Variants in PARP9 observed in about 807,000 individuals in gnomAD.
The protein encoded by PARP9 is protein mono-ADP-ribosyltransferase PARP9.
PARP9 carries 48 observed loss-of-function variants against 68.8 expected under a neutral mutation model. The observed-to-expected ratio is 0.70, with a 90% confidence interval of 0.55 to 0.89. The LOEUF is 0.89. PARP9 is among the 40% of genes least tolerant of loss of function. The probability of loss-of-function intolerance (pLI) is 0.00; values close to 1 mark genes in which losing one functional copy is unlikely to be tolerated. For synonymous variants in PARP9, 309 were observed against 333.8 expected, an observed-to-expected ratio of 0.93 and a Z score of 0.81; for missense variants, 806 against 969.3, an observed-to-expected ratio of 0.83 and a Z score of 2.24.
intron 9 of PARP9, 123 bp from the exon 10 acceptor site, chr3:122,536,465 T>G: frequency 4.8e-6 from 7 of 1,447,222 alleles, no homozygotes; most frequent in Non-Finnish European, 6.3e-6. Flanking sequence ...GCAATTCGCT[T>G]TTCATAGAAA....
At position 122,555,360 on chromosome 3, in the gene PARP9, T is replaced by C; in HGVS notation, c.811A>G (p.Thr271Ala). 6.2e-7 allele frequency: 1 copy of C among 1,613,784 alleles called. No homozygotes were observed. Among genetic ancestry groups the C allele is most frequent in the South Asian group, 1.1e-5 (1 of 91,040 alleles). The part of the protein sequence containing the change: ...LGKSELGQET[T>A]PSFNAMVVNN... ...ACGACCATTGCATTGAAAGAAGGGG[T>C]GGTTTCTTGTCCCAGCTCACTCTTC... The change falls in exon 4 of 11, where the codon ACC (threonine) becomes GCC (alanine). Residue 271 changes from threonine to alanine, a missense_variant. This residue lies in a region of PARP9 where 680 missense variants were observed against 858.8 expected (regional missense o/e 0.79). Transcript: ENST00000682323.
intron 5 of PARP9, 80 bp downstream of exon 5, chr3:122,552,338 G>T: frequency 9.2e-7 from 1 of 1,088,620 alleles, no homozygotes; most frequent in South Asian, 1.6e-5. Flanking sequence ...TGAATGTAAT[G>T]AAATGATGGA....
chr3:122,543,368 C>T (rs1315096923), intron 7 of PARP9, among the ~76,000 whole-genome samples: 1 of 152,002 alleles, frequency 6.6e-6, no homozygotes, highest in Non-Finnish European at 1.5e-5. Flanking sequence ...ATCTCCACCT[C>T]CCACGTTTAA....
chr3:122,542,382 C>T (rs868553485), intron 7 of PARP9, among the ~76,000 whole-genome samples: 1 of 150,980 alleles, frequency 6.6e-6, no homozygotes, highest in Non-Finnish European at 1.5e-5. Flanking sequence ...AGTCAGCATG[C>T]CTGGCCAATA....
chr3:122,534,549 A>C (rs1217619989), intron 10 of PARP9: 2 of 638,228 alleles, frequency 3.1e-6, no homozygotes, highest in East Asian at 2.8e-4. Flanking sequence ...CTATATAATG[A>C]GTATGTTGGG....
chr3:122,558,836 G>A (rs555155117), intron 2 of PARP9, among the ~76,000 whole-genome samples: 40 of 152,266 alleles, frequency 2.6e-4, no homozygotes, highest in African/African-American at 9.4e-4. Flanking sequence ...TCAGTCTCCT[G>A]AATAGCTGGG....
chr3:122,561,191 G>T (rs2107751570), intron 1 of PARP9, among the ~76,000 whole-genome samples: 1 of 152,318 alleles, frequency 6.6e-6, no homozygotes, highest in East Asian at 1.9e-4. Flanking sequence ...AGGCATGGCG[G>T]CTCACACCTG....
chr3:122,552,333 G>T, intron 5 of PARP9, 85 bp downstream of exon 5: 2 of 1,018,200 alleles, frequency 2.0e-6, no homozygotes, highest in South Asian at 1.7e-5. Flanking sequence ...TTTCATGAAT[G>T]TAATGAAATG....
At chr3:122,544,858 G>A (rs1007923111) in intron 7 of PARP9, among the ~76,000 whole-genome samples, 5 of 151,978 alleles carry the variant, frequency 3.3e-5, no homozygotes, top group Non-Finnish European at 7.4e-5. Flanking sequence ...AAATATGCTC[G>A]GCATCAAAAT....
At chr3:122,529,420 AGC>A (rs1329181997) in intron 10 of PARP9, among the ~76,000 whole-genome samples, 6 of 152,040 alleles carry the variant, frequency 3.9e-5, no homozygotes, top group Non-Finnish European at 8.8e-5. Context: ...TAGCTGACAG[AGC>A]ATAACAAAAG....
intron 8 of PARP9, among the ~76,000 whole-genome samples, chr3:122,538,252 T>C (rs754262730): frequency 2.0e-5 from 3 of 152,138 alleles, no homozygotes; most frequent in African/African-American, 7.2e-5. Flanking sequence ...TCAACAAACA[T>C]TTGCCAAGCT....
At chr3:122,562,814 C>G (rs908116385) in intron 1 of PARP9, among the ~76,000 whole-genome samples, 1 of 152,050 alleles carries the variant, frequency 6.6e-6, no homozygotes, top group African/African-American at 2.4e-5. Flanking sequence ...TATAGATATA[C>G]TATTATTATT....
At chr3:122,564,102 G>T in intron 1 of PARP9, 143 bp downstream of exon 1, 1 of 336,420 alleles carries the variant, frequency 3.0e-6, no homozygotes, top group South Asian at 6.5e-5. Flanking sequence ...AAACACAGGA[G>T]AAACTTACTT....
Position 122,564,250 on chromosome 3 carries a change from A to T in PARP9, c.-95T>A. 6.9e-6 allele frequency: 5 copies of T among 724,792 alleles called. No individual in the cohort carries two copies. Among genetic ancestry groups the T allele is most frequent in the Non-Finnish European group, 1.0e-5 (5 of 476,378 alleles). 44.9% of individuals were successfully genotyped at this position (724,792 alleles called of 1,614,324 possible). On this transcript the variant is annotated 5_prime_UTR_variant, in exon 1 of 11. Coordinates refer to ENST00000682323, the MANE Select transcript of PARP9 (RefSeq NM_001146105.2). ...GAGGCACCGGACCTACTCACCCGGC[A>T]GGCCGCTCTCCTCGGTGCAGACAGC...
chr3:122,534,497 A>T, intron 10 of PARP9: 1 of 926,948 alleles, frequency 1.1e-6, no homozygotes, highest in Non-Finnish European at 1.3e-6. Context: ...CCCTTTCAAC[A>T]TGAGAGTTTT....
intron 2 of PARP9, 146 bp downstream of exon 2, chr3:122,559,460 G>A (rs554438456): frequency 1.7e-5 from 11 of 643,272 alleles, no homozygotes; most frequent in Middle Eastern, 3.3e-4. Flanking sequence ...TTCTCAAGAA[G>A]GGAGAAAGGA....
At position 122,555,631 on chromosome 3, in the gene PARP9, C is replaced by T; in HGVS notation, c.540G>A (p.Arg180=). The T allele has an allele frequency of 6.2e-7, 1 of 1,613,908 alleles. No individual in the cohort carries two copies. The highest frequency in any genetic ancestry group is 8.5e-7 in the Non-Finnish European group (1 of 1,179,958). ...DKQGCTGKLQ[R]AIVSILNYVI... ...CATAATTCAGAATACTTACAATGGCCCTCTGCAGCTTTCCAGTACATCCCT... is the reference window on the plus strand; with the variant it reads ...CATAATTCAGAATACTTACAATGGCTCTCTGCAGCTTTCCAGTACATCCCT... The change falls in exon 4 of 11, where the codon AGG becomes AGA. Residue 180 remains arginine, a synonymous_variant. Transcript: ENST00000682323.
intron 4 of PARP9, 55 bp from the exon 5 acceptor site, chr3:122,552,694 C>G: frequency 4.5e-6 from 6 of 1,326,706 alleles, no homozygotes; most frequent in Non-Finnish European, 6.5e-6. Context: ...TCTTAAATGA[C>G]TAATTTAAAT....
chr3:122,562,193 CTTTTCTTTTCTTTTT>C (rs749475096), intron 1 of PARP9, among the ~76,000 whole-genome samples: 1 of 97,646 alleles, frequency 1.0e-5, no homozygotes, highest in Non-Finnish European at 2.6e-5. Context: ...CTTTTCTTTT[CTTTTCTTTTCTTTTT>C]GAGACGGAGT....
Sources: gnomAD v4.1 joint callset for allele counts (sites outside exome capture counted in the v4.1 genomes callset) on GRCh38, gnomAD v4.1.1 for gene constraint, gnomAD v4.1.1 regional missense constraint, MANE v1.5 for transcripts, NCBI Gene and HGNC (gene_info 2026-07-23, HGNC 2026-07-21) for gene names.